Variants in LRRIQ3 observed in about 807,000 individuals in gnomAD.
LRRIQ3 encodes leucine rich repeats and IQ motif containing 3, also known as leucine-rich repeat and IQ domain-containing protein 3.
LRRIQ3 carries 75 observed loss-of-function variants against 59.3 expected under a neutral mutation model. The ratio of observed to expected loss-of-function variants is 1.26; its 90% CI spans 1.05 to 1.53. LRRIQ3 has a LOEUF of 1.53. Ranked by LOEUF, LRRIQ3 falls within the 40% of genes most tolerant of loss-of-function variation. The pLI is 0.00. For missense variants in LRRIQ3, 831 were observed against 710.0 expected (o/e 1.17, Z -1.94); for synonymous variants, 250 against 231.3 (o/e 1.08, Z -0.73).
At chr1:74,159,166 A>G (rs1164210416) in intron 3 of LRRIQ3, among the ~76,000 whole-genome samples, 10 of 152,120 alleles carry the variant, frequency 6.6e-5, no homozygotes, top group Non-Finnish European at 4.4e-5. Flanking sequence ...TGGTCAGAAC[A>G]TTCTCCACAT....
intron 6 of LRRIQ3, among the ~76,000 whole-genome samples, chr1:74,055,998 A>T (rs1654522549): frequency 6.6e-6 from 1 of 151,806 alleles, no homozygotes; most frequent in Non-Finnish European, 1.5e-5. Flanking sequence ...CAAAAAAATT[A>T]GCCGGGTGTG....
At chr1:74,032,038 A>G (rs968051511) in intron 7 of LRRIQ3, among the ~76,000 whole-genome samples, 9 of 151,946 alleles carry the variant, frequency 5.9e-5, no homozygotes, top group Non-Finnish European at 1.0e-4. Context: ...TAATATTATG[A>G]TGTCAATTTT....
At position 74,187,353 on chromosome 1, in the gene LRRIQ3, TAC is replaced by T. The variant is rs58321456; in HGVS notation, c.1-3671_1-3670del. On this transcript the variant is annotated intron_variant, in intron 1 of 7. Coordinates refer to ENST00000354431, the MANE Select transcript of LRRIQ3 (RefSeq NM_001105659.2). ...AGATATATATATATAGGTATATGTTTACACACACACACACACACACACACACA... is the reference window on the plus strand; with the variant it reads ...AGATATATATATATAGGTATATGTTTACACACACACACACACACACACACA... Among the ~76,000 whole-genome samples, 439 of 55,098 alleles carry T rather than the reference TAC, an allele frequency of 8.0e-3. 2 individuals carry two copies. The highest frequency in any genetic ancestry group is 0.013 in the African/African-American group (261 of 20,686). 36.1% of individuals were successfully genotyped at this position (55,098 alleles called of 152,430 possible).
chr1:74,195,351 C>T (rs924273644), intron 1 of LRRIQ3, among the ~76,000 whole-genome samples: 2 of 152,054 alleles, frequency 1.3e-5, no homozygotes, highest in African/African-American at 2.4e-5. Flanking sequence ...TAATCCAGGA[C>T]CCTATTCATT....
intron 3 of LRRIQ3, among the ~76,000 whole-genome samples, chr1:74,170,141 G>A (rs1403267792): frequency 2.6e-5 from 4 of 152,100 alleles, no homozygotes; most frequent in Non-Finnish European, 4.4e-5. Context: ...ATTTCACTCT[G>A]TTGATTGTTT....
intron 5 of LRRIQ3, among the ~76,000 whole-genome samples, chr1:74,099,688 C>G (rs990768533): frequency 2.0e-5 from 3 of 152,258 alleles, no homozygotes; most frequent in Non-Finnish European, 2.9e-5. Context: ...TCCAGCAACA[C>G]ATCAAAAAGC....
chr1:74,078,775 T>C (rs1400260716), intron 5 of LRRIQ3: 1 of 151,654 alleles, frequency 6.6e-6, no homozygotes, highest in Non-Finnish European at 1.5e-5. Flanking sequence ...GTAAGCCCTA[T>C]ATAAATAGGC....
intron 5 of LRRIQ3, among the ~76,000 whole-genome samples, chr1:74,100,608 T>A (rs1646516091): frequency 6.6e-6 from 1 of 152,218 alleles, no homozygotes. Flanking sequence ...AAGACAATCC[T>A]AAGCCAAAAG....
chr1:74,123,790 A>G (rs1010729362), intron 4 of LRRIQ3, among the ~76,000 whole-genome samples: 1 of 152,044 alleles, frequency 6.6e-6, no homozygotes, highest in Non-Finnish European at 1.5e-5. Flanking sequence ...TATATCTTCA[A>G]CAGACTGATT....
chr1:74,088,980 T>A (rs1221790669), intron 5 of LRRIQ3, among the ~76,000 whole-genome samples: 1 of 152,002 alleles, frequency 6.6e-6, no homozygotes, highest in African/African-American at 2.4e-5. Context: ...AAAAAGATAA[T>A]CTATTATAAA....
chr1:74,093,508 C>T (rs1225406517), intron 5 of LRRIQ3, among the ~76,000 whole-genome samples: 4 of 152,030 alleles, frequency 2.6e-5, no homozygotes, highest in Admixed American at 2.0e-4. Context: ...TATAATTTAG[C>T]TATAGGTTGC....
intron 6 of LRRIQ3, among the ~76,000 whole-genome samples, chr1:74,073,008 G>T (rs1442333711): frequency 2.0e-5 from 3 of 151,902 alleles, no homozygotes; most frequent in Non-Finnish European, 4.4e-5. Context: ...TTCTTTCAAT[G>T]CCTTGAGATT....
intron 6 of LRRIQ3, among the ~76,000 whole-genome samples, chr1:74,068,086 T>C (rs1459173226): frequency 6.6e-6 from 1 of 152,200 alleles, no homozygotes; most frequent in African/African-American, 2.4e-5. Flanking sequence ...GGAAATTCTT[T>C]GCTACTAAAT....
intron 1 of LRRIQ3, among the ~76,000 whole-genome samples, chr1:74,186,626 C>A (rs1650396570): frequency 6.6e-6 from 1 of 152,056 alleles, no homozygotes; most frequent in South Asian, 2.1e-4. Flanking sequence ...GCACTATTGC[C>A]TCACTTGAAA....
At chr1:74,054,289 G>C (rs985213146) in intron 6 of LRRIQ3, among the ~76,000 whole-genome samples, 3 of 151,996 alleles carry the variant, frequency 2.0e-5, no homozygotes, top group Non-Finnish European at 2.9e-5. Flanking sequence ...GCTACATACT[G>C]TATGATTCCA....
At chr1:74,033,245 T>C (rs538742345) in intron 7 of LRRIQ3, among the ~76,000 whole-genome samples, 1 of 152,178 alleles carries the variant, frequency 6.6e-6, no homozygotes, top group African/African-American at 2.4e-5. Flanking sequence ...AGATAGATAG[T>C]TGAAATGTTC....
intron 3 of LRRIQ3, among the ~76,000 whole-genome samples, chr1:74,172,641 T>A (rs761564557): frequency 1.5e-4 from 23 of 152,330 alleles, no homozygotes; most frequent in Middle Eastern, 3.4e-3. Flanking sequence ...ATTTACTTTC[T>A]GGATGATCTA....
intron 3 of LRRIQ3, among the ~76,000 whole-genome samples, chr1:74,171,320 T>C (rs930076253): frequency 2.6e-5 from 4 of 152,200 alleles, no homozygotes; most frequent in African/African-American, 9.6e-5. Context: ...GGAAACTCTT[T>C]CCATACATAA....
chr1:74,127,274 T>C (rs866862170), intron 4 of LRRIQ3, among the ~76,000 whole-genome samples: 7 of 152,024 alleles, frequency 4.6e-5, no homozygotes, highest in Middle Eastern at 3.4e-3. Context: ...TAACCAATCA[T>C]TGAGTCTTGT....
Sources: gnomAD v4.1 joint callset for allele counts (sites outside exome capture counted in the v4.1 genomes callset) on GRCh38, gnomAD v4.1.1 for gene constraint, MANE v1.5 for transcripts, NCBI Gene and HGNC (gene_info 2026-07-23, HGNC 2026-07-21) for gene names.